The following GRIK2 variants were observed in gnomAD, a reference collection of about 807,000 sequenced individuals.
The protein encoded by GRIK2 is glutamate ionotropic receptor kainate type subunit 2, also known as glutamate receptor ionotropic, kainate 2.
A neutral mutation model predicts 100.3 loss-of-function variants in GRIK2; 32 were observed. The observed-to-expected ratio is 0.32, with a 90% CI of 0.24 to 0.43. The LOEUF is 0.43. GRIK2 is among the 20% of genes least tolerant of loss of function. GRIK2 has a pLI of 1.00. For synonymous variants in GRIK2, 417 were observed against 389.4 expected (o/e 1.07, Z -0.83); for missense variants, 843 against 1,114.9 (o/e 0.76, Z 3.47).
At chr6:102,060,826 A>G (rs1771711600) in intron 16 of GRIK2, among the ~76,000 whole-genome samples, 1 of 150,694 alleles carries the variant, frequency 6.6e-6, no homozygotes, top group Non-Finnish European at 1.5e-5. Context: ...ATATAATAAT[A>G]TCATATTACT....
At chr6:101,832,908 G>T (rs951805755) in intron 10 of GRIK2, among the ~76,000 whole-genome samples, 2 of 151,932 alleles carry the variant, frequency 1.3e-5, no homozygotes, top group African/African-American at 4.8e-5. Context: ...TCAACTTTCC[G>T]ATGAAATTCT....
chr6:101,510,064 AT>A (rs902849831), intron 2 of GRIK2, among the ~76,000 whole-genome samples: 36 of 152,192 alleles, frequency 2.4e-4, no homozygotes, highest in Non-Finnish European at 3.8e-4. Flanking sequence ...ATACTTCTAA[AT>A]TTTTTTAAAT....
intron 16 of GRIK2, among the ~76,000 whole-genome samples, chr6:102,060,562 C>A (rs918416934): frequency 2.7e-5 from 4 of 150,662 alleles, no homozygotes; most frequent in Non-Finnish European, 4.5e-5. Context: ...TTAGTTCTAA[C>A]AGGAGCAATG....
chr6:101,911,003 A>G (rs1425436013), intron 12 of GRIK2, among the ~76,000 whole-genome samples: 1 of 151,402 alleles, frequency 6.6e-6, no homozygotes, highest in African/African-American at 2.4e-5. Context: ...CCCCTTAAAG[A>G]GAGGCAGCCA....
intron 16 of GRIK2, chr6:102,064,175 C>A (rs1422600575): frequency 1.9e-6 from 1 of 535,434 alleles, no homozygotes; most frequent in Non-Finnish European, 3.3e-6. Context: ...TGGGTTTCCA[C>A]CCCTAAATAG....
chr6:101,727,674 G>A (rs1383686255), intron 7 of GRIK2, among the ~76,000 whole-genome samples: 1 of 152,006 alleles, frequency 6.6e-6, no homozygotes, highest in African/African-American at 2.4e-5. Context: ...TTTTCTTGTG[G>A]CTATAATTAG....
At chr6:101,750,202 A>G (rs1776699931) in intron 7 of GRIK2, among the ~76,000 whole-genome samples, 1 of 151,990 alleles carries the variant, frequency 6.6e-6, no homozygotes, top group South Asian at 2.1e-4. Flanking sequence ...TATTTTTACC[A>G]TTTTGCTCTT....
intron 10 of GRIK2, 64 bp from the exon 11 acceptor site, chr6:101,859,223 A>G: frequency 1.2e-6 from 1 of 825,278 alleles, no homozygotes; most frequent in South Asian, 1.6e-5. Context: ...AAGAAAAGCA[A>G]TAATTCTGAT....
chr6:101,828,469 C>T (rs1029579126), intron 10 of GRIK2, among the ~76,000 whole-genome samples: 6 of 151,626 alleles, frequency 4.0e-5, no homozygotes, highest in East Asian at 1.9e-4. Flanking sequence ...TATAAAGGAT[C>T]GATGAAATGA....
At chr6:101,435,476 T>C in intron 2 of GRIK2, among the ~76,000 whole-genome samples, 1 of 151,368 alleles carries the variant, frequency 6.6e-6, no homozygotes, top group East Asian at 1.9e-4. Flanking sequence ...AATCCCCTCC[T>C]CCAAATAAGC....
intron 2 of GRIK2, among the ~76,000 whole-genome samples, chr6:101,436,394 TGAC>T (rs925095812): frequency 6.6e-6 from 1 of 151,960 alleles, no homozygotes; most frequent in African/African-American, 2.4e-5. Flanking sequence ...GAACTCTTAG[TGAC>T]ATTGTTAAAA....
At chr6:101,521,056 G>A (rs543119493) in intron 2 of GRIK2, among the ~76,000 whole-genome samples, 19 of 152,050 alleles carry the variant, frequency 1.2e-4, no homozygotes, top group South Asian at 1.0e-3. Context: ...CCAGTTTTTC[G>A]TTATTTACCT....
chr6:101,753,909 G>C (rs1378865371), intron 7 of GRIK2, among the ~76,000 whole-genome samples: 1 of 151,938 alleles, frequency 6.6e-6, no homozygotes, highest in Non-Finnish European at 1.5e-5. Context: ...TAATTTTTAA[G>C]ACTGTTCCAC....
chr6:101,906,881 A>C (rs1402910636), intron 12 of GRIK2, among the ~76,000 whole-genome samples: 1 of 151,750 alleles, frequency 6.6e-6, no homozygotes, highest in Non-Finnish European at 1.5e-5. Flanking sequence ...CAAATTGTTG[A>C]TTGCTATTTT....
At chr6:101,540,472 A>G (rs1775931654) in intron 2 of GRIK2, among the ~76,000 whole-genome samples, 1 of 152,050 alleles carries the variant, frequency 6.6e-6, no homozygotes, top group African/African-American at 2.4e-5. Context: ...TGATTATTTC[A>G]CCTCACATGC....
At chr6:101,738,780 G>T (rs1011776135) in intron 7 of GRIK2, among the ~76,000 whole-genome samples, 2 of 152,026 alleles carry the variant, frequency 1.3e-5, no homozygotes, top group Non-Finnish European at 2.9e-5. Context: ...ACGCTGATAG[G>T]GCCCAAATAA....
At chr6:101,891,089 G>C (rs190940408) in intron 12 of GRIK2, among the ~76,000 whole-genome samples, 6 of 150,106 alleles carry the variant, frequency 4.0e-5, no homozygotes, top group East Asian at 3.9e-4. Flanking sequence ...TATCAGTAAG[G>C]GTATTTGTAA....
intron 7 of GRIK2, among the ~76,000 whole-genome samples, chr6:101,760,991 A>T (rs1777620343): frequency 6.6e-6 from 1 of 152,032 alleles, no homozygotes; most frequent in Non-Finnish European, 1.5e-5. Context: ...CTCTTAGTTG[A>T]TGGACATGAC....
chr6:101,773,268 G>A (rs1583118765), intron 7 of GRIK2, among the ~76,000 whole-genome samples: 1 of 152,076 alleles, frequency 6.6e-6, no homozygotes, highest in Middle Eastern at 3.4e-3. Context: ...ATCACGAGGT[G>A]AGGAGATCGA....
Sources: allele counts gnomAD v4.1 joint callset (sites outside exome capture counted in the v4.1 genomes callset), GRCh38; gene constraint gnomAD v4.1.1; transcripts MANE v1.5; gene names NCBI Gene and HGNC (gene_info 2026-07-23, HGNC 2026-07-21).